The following SLC26A8 variants were observed in gnomAD, a reference collection of about 807,000 sequenced individuals.
The protein encoded by SLC26A8 is solute carrier family 26 member 8, also known as testis anion transporter 1.
Under a neutral mutation model 105.0 loss-of-function variants are expected in SLC26A8, and 70 were observed. The observed-to-expected ratio is 0.67, with a 90% confidence interval of 0.55 to 0.81. The LOEUF (loss-of-function observed/expected upper bound fraction) is 0.81. Among genes scored for constraint, SLC26A8 ranks in the 40% least tolerant of loss-of-function variants. The probability of loss-of-function intolerance (pLI) is 0.00; values close to 1 mark genes in which losing one functional copy is unlikely to be tolerated. For synonymous variants in SLC26A8, 415 were observed against 438.3 expected, an observed-to-expected ratio of 0.95 and a Z score of 0.66; for missense variants, 998 against 1,181.8, an observed-to-expected ratio of 0.84 and a Z score of 2.28.
At chr6:35,968,637 A>ATATATG (rs1554163688) in intron 11 of SLC26A8, among the ~76,000 whole-genome samples, 1 of 109,140 alleles carries the variant, frequency 9.2e-6, no homozygotes, top group African/African-American at 3.9e-5. Flanking sequence ...ATATATATAT[A>ATATATG]TATATATATA....
chr6:35,957,536 C>A (rs1417604563), intron 16 of SLC26A8, among the ~76,000 whole-genome samples: 3 of 151,072 alleles, frequency 2.0e-5, no homozygotes, highest in Non-Finnish European at 4.4e-5. Context: ...ATTTGGGGAA[C>A]AGGCCAGGGT....
chr6:35,960,622 C>T (rs1772271035), intron 14 of SLC26A8: 2 of 573,786 alleles, frequency 3.5e-6, no homozygotes, highest in African/African-American at 3.8e-5. Flanking sequence ...AGCCACTGCA[C>T]TGTACTGTCC....
chr6:36,005,577 C>T (rs1021172484), intron 3 of SLC26A8, among the ~76,000 whole-genome samples: 2 of 152,156 alleles, frequency 1.3e-5, no homozygotes, highest in African/African-American at 4.8e-5. Flanking sequence ...GGCAAGAATA[C>T]TACAGAAATG....
chr6:35,958,490 T>C (rs1433982918), intron 16 of SLC26A8, among the ~76,000 whole-genome samples: 1 of 150,080 alleles, frequency 6.7e-6, no homozygotes, highest in East Asian at 2.0e-4. Context: ...TATACCACTA[T>C]TATGAAAGAA....
intron 3 of SLC26A8, among the ~76,000 whole-genome samples, chr6:36,007,646 A>G (rs1471007168): frequency 6.6e-6 from 1 of 152,224 alleles, no homozygotes; most frequent in Non-Finnish European, 1.5e-5. Context: ...TGGAAAAAAA[A>G]TTAGCTGGAG....
At chr6:36,006,276 C>A (rs1441851291) in intron 3 of SLC26A8, among the ~76,000 whole-genome samples, 1 of 152,124 alleles carries the variant, frequency 6.6e-6, no homozygotes, top group Admixed American at 6.5e-5. Context: ...CATACCACTA[C>A]ACCTGGCTAA....
At chr6:35,987,363 T>G (rs940128658) in intron 7 of SLC26A8, among the ~76,000 whole-genome samples, 1 of 152,144 alleles carries the variant, frequency 6.6e-6, no homozygotes, top group East Asian at 1.9e-4. Flanking sequence ...TAATTTCACC[T>G]AGGGATTCCA....
chr6:35,951,106 T>TTCC, intron 19 of SLC26A8, 57 bp downstream of exon 19: 1 of 532,762 alleles, frequency 1.9e-6, no homozygotes, highest in South Asian at 1.6e-5. Flanking sequence ...CCCTCACCCA[T>TTCC]CCCCCCACTG....
At chr6:35,993,164 T>A (rs1181441283) in intron 5 of SLC26A8, among the ~76,000 whole-genome samples, 2 of 109,160 alleles carry the variant, frequency 1.8e-5, no homozygotes, top group Admixed American at 1.1e-4. Context: ...GCATTTTTTT[T>A]TTTTTTTTTT....
rs954641657 is a variant in SLC26A8, at chr6:35,968,039, G to A, written c.1365+838C>T. ...ATTTTTATATTTTTAGTAGAGACGGGGTTTTGCCACGTTGGCCCGGCTGAT... is the reference window on the plus strand; with the variant it reads ...ATTTTTATATTTTTAGTAGAGACGGAGTTTTGCCACGTTGGCCCGGCTGAT... On this transcript the variant is annotated intron_variant, in intron 11 of 19. Coordinates refer to ENST00000490799, the MANE Select transcript of SLC26A8 (RefSeq NM_052961.4). Among the ~76,000 whole-genome samples, 6 of 152,004 alleles carry A rather than the reference G, an allele frequency of 3.9e-5. No individual in the cohort carries two copies. In the South Asian group the frequency reaches 6.2e-4, roughly 16 times the overall value.
At chr6:35,992,743 C>T (rs761136261) in intron 5 of SLC26A8, 69 bp from the exon 6 acceptor site, 12 of 1,468,008 alleles carry the variant, frequency 8.2e-6, no homozygotes, top group Non-Finnish European at 1.1e-5. Flanking sequence ...ATGGCACTCT[C>T]CAGGAAAAGA....
rs1295793192 is a variant in SLC26A8, at chr6:35,997,541, T to G, written c.627+197A>C. The stretch of plus-strand genomic sequence containing the variant: ...TGTTTAATATCTCATCCTAAATCAG[T>G]GGTAGATGATTTCTGAGGAGAGAGA... On this transcript the variant is annotated intron_variant, in intron 5 of 19. Transcript: ENST00000490799. 3.9e-5 allele frequency among the ~76,000 whole-genome samples: 6 copies of G among 152,220 alleles called. No homozygotes were observed. In the South Asian group the frequency reaches 1.2e-3, roughly 32 times the overall value.
At position 35,968,737 on chromosome 6, in the gene SLC26A8, T is replaced by C. The variant is rs548321905; in HGVS notation, c.1365+140A>G. The C allele has an allele frequency of 2.3e-3, 1,326 of 584,332 alleles. 23 individuals are homozygous for C. The highest frequency in any genetic ancestry group is 0.016 in the East Asian group (500 of 31,924). The allele number at this position is 584,332 out of a possible 1,614,324, so 36.2% of individuals were successfully genotyped here. A position where few individuals can be genotyped will look rare whatever the true frequency, so the allele number is the denominator to read the frequency against. The stretch of plus-strand genomic sequence containing the variant: ...GACTAGAGATAGGCTGGAGCAACCA[T>C]TGGGGATAATCCGAATGCAATTCTC... On this transcript the variant is annotated intron_variant, in intron 11 of 19. Coordinates refer to ENST00000490799, the MANE Select transcript of SLC26A8 (RefSeq NM_052961.4).
At chr6:36,021,960 C>T (rs9470200) in intron 1 of SLC26A8, among the ~76,000 whole-genome samples, 7,109 of 151,204 alleles carry the variant, frequency 0.047, 415 homozygotes, top group African/African-American at 0.13. Flanking sequence ...TGAGCCACCG[C>T]GCCCGGCCTA....
chr6:35,982,189 A>G lies in SLC26A8; in HGVS notation c.957T>C (p.Thr319=). The change falls in exon 8 of 20, where the codon ACT becomes ACC. Residue 319 remains threonine (T), a synonymous_variant. Coordinates refer to ENST00000490799, the MANE Select transcript of SLC26A8 (RefSeq NM_052961.4). ...PMELFLIIGF[T]VIANKISMAT... ...CCATGCTTATCTTGTTTGCAATCAC[A>G]GTGAAGCCAATAATCTGTAGGGGGT... 1 of 1,614,124 alleles carries G rather than the reference A, an allele frequency of 6.2e-7. No homozygotes were observed. The highest frequency in any genetic ancestry group is 8.5e-7 in the Non-Finnish European group (1 of 1,180,012).
chr6:35,956,574 T>C (rs2127295633), intron 16 of SLC26A8, among the ~76,000 whole-genome samples: 1 of 152,244 alleles, frequency 6.6e-6, no homozygotes, highest in South Asian at 2.1e-4. Context: ...AAATGTGGAC[T>C]CTGCATTTAC....
intron 8 of SLC26A8, among the ~76,000 whole-genome samples, chr6:35,979,007 ATTTTTTTTTT>A (rs34335766): frequency 1.0e-5 from 1 of 98,306 alleles, no homozygotes; most frequent in Non-Finnish European, 2.0e-5. Context: ...CACCTGGCTA[ATTTTTTTTTT>A]TTTTTTTTTT....
In SLC26A8 at chr6:35,964,236, A is replaced by T. The variant is rs562210685; in HGVS notation, c.1366-1615T>A. ...AAAATAAAATAAAATAATTGATATT[A>T]CCCTTTATACATGGTTGTTGAAATA... On this transcript the variant is annotated intron_variant, in intron 11 of 19. Transcript: ENST00000490799. Among the ~76,000 whole-genome samples the T allele has an allele frequency of 2.6e-5, 4 of 152,286 alleles. No homozygotes were observed. In the South Asian group the frequency reaches 6.2e-4, roughly 24 times the overall value.
chr6:35,974,920 CT>C (rs1446804305), intron 10 of SLC26A8, among the ~76,000 whole-genome samples: 2 of 138,160 alleles, frequency 1.4e-5, no homozygotes, highest in African/African-American at 2.7e-5. Flanking sequence ...TTTTTTTTTT[CT>C]TTTTTTTTGT....
Sources: gnomAD v4.1 joint callset for allele counts (sites outside exome capture counted in the v4.1 genomes callset) on GRCh38, gnomAD v4.1.1 for gene constraint, MANE v1.5 for transcripts, NCBI Gene and HGNC (gene_info 2026-07-23, HGNC 2026-07-21) for gene names.